Variants in SMYD3 observed in about 807,000 individuals in gnomAD.
SMYD3 encodes histone-lysine N-methyltransferase SMYD3.
A neutral mutation model predicts 57.7 loss-of-function variants in SMYD3; 36 were observed. The observed-to-expected ratio is 0.62, with a 90% CI of 0.48 to 0.82. The LOEUF (loss-of-function observed/expected upper bound fraction) is 0.82. Among genes scored for constraint, SMYD3 ranks in the 40% least tolerant of loss-of-function variants. SMYD3 has a pLI of 0.00. For missense variants in SMYD3, 515 were observed against 538.8 expected, an observed-to-expected ratio of 0.96 and a Z score of 0.44; for synonymous variants, 211 against 195.0, an observed-to-expected ratio of 1.08 and a Z score of -0.68.
At chr1:245,825,552 C>G (rs140014396) in intron 10 of SMYD3, among the ~76,000 whole-genome samples, 1 of 152,108 alleles carries the variant, frequency 6.6e-6, no homozygotes, top group South Asian at 2.1e-4. Context: ...CTAGGCGGGC[C>G]GAGGCCATGC....
At chr1:246,161,901 T>A (rs1362358519) in intron 5 of SMYD3, among the ~76,000 whole-genome samples, 2 of 151,860 alleles carry the variant, frequency 1.3e-5, no homozygotes, top group African/African-American at 2.4e-5. Context: ...GAAGTAGGAG[T>A]TTGCCAGGCA....
chr1:246,180,350 A>ATATATATAAGTATATATATAAACTACT (rs2062521612), intron 5 of SMYD3, among the ~76,000 whole-genome samples: 1 of 136,364 alleles, frequency 7.3e-6, no homozygotes, highest in African/African-American at 2.6e-5. Flanking sequence ...TAAACTACTT[A>ATATATATAAGTATATATATAAACTACT]TATATATATA....
chr1:246,319,272 T>C (rs1322009191), intron 5 of SMYD3, among the ~76,000 whole-genome samples: 1 of 152,224 alleles, frequency 6.6e-6, no homozygotes, highest in African/African-American at 2.4e-5. Context: ...CTAAGTATTC[T>C]AGCAGCTGTT....
intron 1 of SMYD3, among the ~76,000 whole-genome samples, chr1:246,453,703 G>A (rs544424528): frequency 6.6e-6 from 1 of 152,240 alleles, no homozygotes; most frequent in Admixed American, 6.5e-5. Context: ...AAGGCCCACC[G>A]TTTCGCCACC....
intron 5 of SMYD3, among the ~76,000 whole-genome samples, chr1:246,063,254 C>T (rs1441681034): frequency 6.6e-6 from 1 of 152,206 alleles, no homozygotes; most frequent in Non-Finnish European, 1.5e-5. Flanking sequence ...GCACTTCACT[C>T]CTCCTACAAA....
chr1:246,343,230 C>A (rs1253324655), intron 2 of SMYD3, among the ~76,000 whole-genome samples: 1 of 152,218 alleles, frequency 6.6e-6, no homozygotes, highest in Non-Finnish European at 1.5e-5. Flanking sequence ...AAATCATGCA[C>A]TTCCACAGAC....
intron 5 of SMYD3, among the ~76,000 whole-genome samples, chr1:245,938,772 T>C (rs1372379012): frequency 1.3e-5 from 2 of 152,174 alleles, no homozygotes; most frequent in African/African-American, 4.8e-5. Flanking sequence ...CATGAATACA[T>C]AAATAGTGCC....
At chr1:245,861,376 G>A (rs2051538222) in intron 9 of SMYD3, among the ~76,000 whole-genome samples, 1 of 152,170 alleles carries the variant, frequency 6.6e-6, no homozygotes, top group African/African-American at 2.4e-5. Flanking sequence ...ACTTTTAAAT[G>A]ACCATAAGAG....
At chr1:245,940,118 G>A (rs28669997) in intron 5 of SMYD3, among the ~76,000 whole-genome samples, 8,422 of 152,180 alleles carry the variant, frequency 0.055, 641 homozygotes, top group African/African-American at 0.18. Context: ...AGGGGTTTAC[G>A]GACAGAACTC....
rs573771122 is a variant in SMYD3, at chr1:246,137,734, G to A, written c.531+189467C>T. Among the ~76,000 whole-genome samples the A allele has an allele frequency of 1.4e-3, 215 of 152,256 alleles. 1 individual carries two copies. The highest frequency in any genetic ancestry group is 2.7e-3 in the Non-Finnish European group (183 of 68,032). On this transcript the variant is annotated intron_variant, in intron 5 of 11. Coordinates refer to ENST00000490107, the MANE Select transcript of SMYD3 (RefSeq NM_001167740.2). ...ACAGAGTGAAACAAGTTCTGAGAAC[G>A]CACAGGTGTTTCTCTGCAAGTCCCT...
At chr1:246,363,020 C>T (rs1202123488) in intron 1 of SMYD3, among the ~76,000 whole-genome samples, 3 of 151,148 alleles carry the variant, frequency 2.0e-5, no homozygotes, top group Non-Finnish European at 3.0e-5. Flanking sequence ...AAGTGAGGAG[C>T]GTCTCTGCCC....
chr1:246,157,053 A>T (rs1221498797), intron 5 of SMYD3, among the ~76,000 whole-genome samples: 1 of 152,224 alleles, frequency 6.6e-6, no homozygotes, highest in Non-Finnish European at 1.5e-5. Flanking sequence ...TTCGCCTCAC[A>T]TCTGTTTGGA....
chr1:245,929,480 C>T (rs59647317), intron 6 of SMYD3, among the ~76,000 whole-genome samples: 1 of 152,036 alleles, frequency 6.6e-6, no homozygotes, highest in African/African-American at 2.4e-5. Context: ...TGTGCCAACT[C>T]GAAAGACAAC....
At chr1:245,879,051 C>A (rs1403022182) in intron 8 of SMYD3, among the ~76,000 whole-genome samples, 3 of 152,188 alleles carry the variant, frequency 2.0e-5, no homozygotes, top group Admixed American at 6.5e-5. Context: ...CATCTGAGAA[C>A]CGCTTGCCCA....
intron 1 of SMYD3, among the ~76,000 whole-genome samples, chr1:246,390,006 G>A (rs111397614): frequency 3.4e-4 from 51 of 152,148 alleles, no homozygotes; most frequent in African/African-American, 1.1e-3. Context: ...GCTGCGGGAT[G>A]GGGGGCAAAA....
chr1:246,284,804 T>C (rs2064527128), intron 5 of SMYD3, among the ~76,000 whole-genome samples: 1 of 152,192 alleles, frequency 6.6e-6, no homozygotes, highest in South Asian at 2.1e-4. Context: ...TAAATTGTAT[T>C]AATAGGTTTC....
Position 246,344,469 on chromosome 1 carries a change from G to T in SMYD3, c.229-8995C>A, listed in dbSNP as rs571737275. Among the ~76,000 whole-genome samples the T allele has an allele frequency of 7.4e-4, 113 of 152,280 alleles. 1 individual carries two copies. Among genetic ancestry groups the T allele is most frequent in the African/African-American group, 2.6e-3 (108 of 41,560 alleles). On this transcript the variant is annotated intron_variant, in intron 2 of 11. Coordinates refer to ENST00000490107, the MANE Select transcript of SMYD3 (RefSeq NM_001167740.2). ...TAATGGACAAGTAATAGTACAGTAT[G>T]CATCTCTTTATTCATTTACCTGTGG...
chr1:246,376,810 A>T (rs1278065591), intron 1 of SMYD3, among the ~76,000 whole-genome samples: 1 of 151,866 alleles, frequency 6.6e-6, no homozygotes, highest in East Asian at 1.9e-4. Flanking sequence ...TTAAAAAAAT[A>T]ACGTATTGGC....
At chr1:246,108,351 G>A (rs546419794) in intron 5 of SMYD3, among the ~76,000 whole-genome samples, 1 of 152,266 alleles carries the variant, frequency 6.6e-6, no homozygotes, top group African/African-American at 2.4e-5. Flanking sequence ...CACAGGTTAC[G>A]CTATGAATAC....
Sources: gnomAD v4.1 joint callset for allele counts (sites outside exome capture counted in the v4.1 genomes callset) on GRCh38, gnomAD v4.1.1 for gene constraint, MANE v1.5 for transcripts, NCBI Gene and HGNC (gene_info 2026-07-23, HGNC 2026-07-21) for gene names.